Variants in PFKM observed in about 807,000 individuals in gnomAD.
PFKM encodes ATP-dependent 6-phosphofructokinase, muscle type.
A neutral mutation model predicts 95.5 loss-of-function variants in PFKM; 58 were observed. That is an observed-to-expected ratio of 0.61 (90% CI 0.49 to 0.76). PFKM has a LOEUF of 0.76. Among genes scored for constraint, PFKM ranks in the 30% least tolerant of loss-of-function variants. The pLI, the probability that PFKM is intolerant of heterozygous loss-of-function variation, is 0.00. For synonymous variants in PFKM, 336 were observed against 357.2 expected (o/e 0.94, Z 0.67); for missense variants, 678 against 1,005.4 (o/e 0.67, Z 4.40).
In PFKM at chr12:48,134,271, C is replaced by T; in HGVS notation, c.633C>T (p.His211=). 1 of 1,613,480 alleles carries T rather than the reference C, an allele frequency of 6.2e-7. No individual in the cohort carries two copies. Among genetic ancestry groups the T allele is most frequent in the Non-Finnish European group, 8.5e-7 (1 of 1,179,352 alleles). The part of the protein sequence containing the change: ...RTFVLEVMGR[H]CGYLALVTSL... ...TTGTGTTAGAAGTAATGGGCCGCCACTGTGGGTAAGATCCTCATTCTGACC... is the reference window on the plus strand; with the variant it reads ...TTGTGTTAGAAGTAATGGGCCGCCATTGTGGGTAAGATCCTCATTCTGACC... Residue 211 remains histidine (H), a synonymous_variant, in exon 7 of 23, where the codon CAC becomes CAT. Coordinates refer to ENST00000359794, the MANE Select transcript of PFKM (RefSeq NM_000289.6).
At chr12:48,119,765 C>T (rs888109777) in intron 1 of PFKM, 2 of 152,166 alleles carry the variant, frequency 1.3e-5, no homozygotes, top group Non-Finnish European at 2.9e-5. Context: ...TATATACGCA[C>T]GTGATTTTAG....
At position 48,105,944 on chromosome 12, in the gene PFKM, G is replaced by T. The variant is rs1006380642; in HGVS notation, c.-203G>T. 4 of 691,360 alleles carry T rather than the reference G, an allele frequency of 5.8e-6. No individual in the cohort carries two copies. The African/African-American group carries it at 7.0e-5, about 12-fold the overall frequency. 42.8% of individuals were successfully genotyped at this position (691,360 alleles called of 1,614,324 possible). A position where few individuals can be genotyped will look rare whatever the true frequency, so the allele number is the denominator to read the frequency against. The stretch of plus-strand genomic sequence containing the variant: ...CCCCGCTTCCGCCCAGTCCAGCCCG[G>T]GCCGGCTGACCGGGTCCGACACAGT... On this transcript the variant is annotated 5_prime_UTR_variant, in exon 1 of 25. Coordinates refer to the PFKM transcript ENST00000340802.
chr12:48,105,446 A>G, upstream of PFKM: 1 of 518,968 alleles, frequency 1.9e-6, no homozygotes, highest in Non-Finnish European at 3.8e-6. Context: ...AGTTAAGGGG[A>G]TTTTCATAAC....
At chr12:48,137,304 C>G (rs1950191348) in intron 10 of PFKM, 2 of 272,930 alleles carry the variant, frequency 7.3e-6, no homozygotes, top group South Asian at 3.9e-5. Flanking sequence ...CTCAGGTGAT[C>G]CGCCTGCCTT....
chr12:48,133,571 C>G (rs1334753178), intron 6 of PFKM, 91 bp downstream of exon 6: 4 of 1,176,886 alleles, frequency 3.4e-6, no homozygotes, highest in Non-Finnish European at 5.0e-6. Context: ...AGCGTTTGAG[C>G]TATGGTGACT....
chr12:48,143,944 G>C (rs1298306995), intron 19 of PFKM, 102 bp from the exon 20 acceptor site: 1 of 1,115,146 alleles, frequency 9.0e-7, no homozygotes, highest in African/African-American at 1.5e-5. Context: ...CCTATCCCTT[G>C]AATCCTTGGA....
chr12:48,113,832 A>G (rs1305768556), intron 3 of PFKM, among the ~76,000 whole-genome samples: 1 of 152,084 alleles, frequency 6.6e-6, no homozygotes, highest in Non-Finnish European at 1.5e-5. Flanking sequence ...TTCTAATGTC[A>G]GGAGCTGACT....
intron 13 of PFKM, 22 bp downstream of exon 13, chr12:48,139,934 C>G: frequency 1.3e-6 from 2 of 1,528,502 alleles, no homozygotes; most frequent in Non-Finnish European, 1.8e-6. Flanking sequence ...TTGACTTGCC[C>G]TCTCCCCTTT....
Position 48,122,822 on chromosome 12 carries a change from A to G in PFKM, c.48A>G (p.Lys16=). The G allele has an allele frequency of 6.2e-7, 1 of 1,614,176 alleles. No homozygotes were observed. Among genetic ancestry groups the G allele is most frequent in the South Asian group, 1.1e-5 (1 of 91,090 alleles). ...CAGCCAAAACCCTGGGGATTGGCAA[A>G]GCCATTGCTGTCTTAACCTCTGGTG... is the stretch of plus-strand genomic sequence containing the variant. ...HHAAKTLGIG[K]AIAVLTSGGD... The change falls in exon 2 of 23, where the codon AAA becomes AAG. Residue 16 remains lysine, a synonymous_variant. Transcript: ENST00000359794.
At chr12:48,143,470 A>G (rs1950757288) in intron 18 of PFKM, among the ~76,000 whole-genome samples, 1 of 152,228 alleles carries the variant, frequency 6.6e-6, no homozygotes, top group African/African-American at 2.4e-5. Context: ...GGAACCAGAA[A>G]GGCTTGGAAA....
intron 11 of PFKM, 130 bp downstream of exon 11, chr12:48,137,976 C>A: frequency 1.0e-6 from 1 of 977,634 alleles, no homozygotes; most frequent in Non-Finnish European, 1.6e-6. Context: ...TAGTAAGAGA[C>A]ATGTGGGGAA....
intron 3 of PFKM, among the ~76,000 whole-genome samples, chr12:48,109,548 A>G (rs1049456115): frequency 6.6e-6 from 1 of 151,598 alleles, no homozygotes; most frequent in East Asian, 1.9e-4. Flanking sequence ...TGCTTTTTTC[A>G]TTCTCCTTTT....
At chr12:48,106,714 A>G (rs1197561050) in intron 1 of PFKM, among the ~76,000 whole-genome samples, 1 of 151,630 alleles carries the variant, frequency 6.6e-6, no homozygotes, top group Non-Finnish European at 1.5e-5. Flanking sequence ...AAGCAAACAA[A>G]CAAACAAACA....
At chr12:48,129,210 CTTTTTTTTTTTT>C (rs778761447) in intron 2 of PFKM, among the ~76,000 whole-genome samples, 65 of 22,000 alleles carry the variant, frequency 3.0e-3, no homozygotes, top group African/African-American at 8.2e-3. Flanking sequence ...AATTTTCTTT[CTTTTTTTTTTTT>C]TTTTTTTTTT....
chr12:48,144,165 A>G lies in PFKM; in HGVS notation c.1992+8A>G. 1 of 1,560,372 alleles carries G rather than the reference A, an allele frequency of 6.4e-7. No homozygotes were observed. The highest frequency in any genetic ancestry group is 8.8e-7 in the Non-Finnish European group (1 of 1,132,508). ...CTTGGTCACATGCAGCAGGTAGGGA[A>G]GACACCGTAGTCATGCCCTTCATCA... is the stretch of plus-strand genomic sequence containing the variant. On this transcript the variant is annotated splice_region_variant and intron_variant, in intron 20 of 22. Coordinates refer to ENST00000359794, the MANE Select transcript of PFKM (RefSeq NM_000289.6).
upstream of PFKM, among the ~76,000 whole-genome samples, chr12:48,117,977 G>A (rs558804674): frequency 2.4e-4 from 37 of 152,320 alleles, no homozygotes; most frequent in Non-Finnish European, 5.3e-4. Context: ...GGTGAAAAGA[G>A]TTAAGTTATT....
chr12:48,108,581 G>C (rs974056080), intron 3 of PFKM, among the ~76,000 whole-genome samples: 2 of 152,142 alleles, frequency 1.3e-5, no homozygotes, highest in African/African-American at 2.4e-5. Context: ...GACTAAATGA[G>C]TTATTATTTT....
intron 2 of PFKM, chr12:48,107,526 T>C: frequency 1.0e-6 from 1 of 975,752 alleles, no homozygotes. Flanking sequence ...AAATACAGGA[T>C]GTGAGGCTTT....
chr12:48,144,760 G>C (rs1950879414), intron 20 of PFKM, among the ~76,000 whole-genome samples: 2 of 152,206 alleles, frequency 1.3e-5, no homozygotes, highest in South Asian at 4.1e-4. Context: ...ACTAAAACAG[G>C]ATCTGGCAGC....
Sources: allele counts gnomAD v4.1 joint callset (sites outside exome capture counted in the v4.1 genomes callset), GRCh38; gene constraint gnomAD v4.1.1; transcripts MANE v1.5; gene names NCBI Gene and HGNC (gene_info 2026-07-23, HGNC 2026-07-21).